The following COMMD1 variants were observed in gnomAD, a reference collection of about 807,000 sequenced individuals.
The protein encoded by COMMD1 is copper metabolism domain containing 1.
In COMMD1, 10 loss-of-function variants were observed where a neutral mutation model predicts 17.2. That is an observed-to-expected ratio of 0.58 (90% CI 0.36 to 0.99). The LOEUF (loss-of-function observed/expected upper bound fraction) is 0.99, where lower values mean the gene tolerates loss of function less well. COMMD1 is among the 50% of genes least tolerant of loss of function. COMMD1 has a pLI of 0.01. For synonymous variants in COMMD1, 97 were observed against 91.6 expected (o/e 1.06, Z -0.34); for missense variants, 270 against 231.8 (o/e 1.17, Z -1.07).
Position 62,006,116 on chromosome 2 carries a change from G to A in COMMD1, c.462+5134G>A, listed in dbSNP as rs1158897939. 2.1e-3 allele frequency among the ~76,000 whole-genome samples: 305 copies of A among 145,274 alleles called. 2 individuals are homozygous for A. Among genetic ancestry groups the A allele is most frequent in the African/African-American group, 6.8e-3 (265 of 39,186 alleles). On this transcript the variant is annotated intron_variant, in intron 2 of 2. Transcript: ENST00000311832. ...AAGGACAAAAAACCAAACACCGCATGTTCTCACTCATAGGTGGGAATTGAA... is the reference window on the plus strand; with the variant it reads ...AAGGACAAAAAACCAAACACCGCATATTCTCACTCATAGGTGGGAATTGAA...
chr2:62,122,536 T>C (rs1316376964), intron 2 of COMMD1, among the ~76,000 whole-genome samples: 1 of 151,868 alleles, frequency 6.6e-6, no homozygotes, highest in Admixed American at 6.6e-5. Context: ...ACAGAGTGTA[T>C]GTCAGACTGC....
At chr2:62,093,763 G>A (rs958401631) in intron 2 of COMMD1, among the ~76,000 whole-genome samples, 9 of 152,248 alleles carry the variant, frequency 5.9e-5, no homozygotes, top group East Asian at 5.8e-4. Context: ...TAGTAACTCC[G>A]AGACTTGGTG....
intron 1 of COMMD1, among the ~76,000 whole-genome samples, chr2:61,984,647 A>G (rs1672054440): frequency 6.6e-6 from 1 of 152,242 alleles, no homozygotes; most frequent in South Asian, 2.1e-4. Flanking sequence ...ATTGGAGGAA[A>G]TGTTCTGTAA....
chr2:62,051,668 C>T (rs1184243753), intron 2 of COMMD1, among the ~76,000 whole-genome samples: 1 of 152,150 alleles, frequency 6.6e-6, no homozygotes, highest in East Asian at 1.9e-4. Context: ...AGGTCTGACT[C>T]TTTCAGGAAT....
chr2:61,928,421 A>G (rs1332281257), intron 1 of COMMD1, among the ~76,000 whole-genome samples: 2 of 152,096 alleles, frequency 1.3e-5, no homozygotes, highest in Non-Finnish European at 2.9e-5. Flanking sequence ...TTAGCCTCCT[A>G]AAGTGCTGGG....
At position 62,083,555 on chromosome 2, in the gene COMMD1, C is replaced by T. The variant is rs147168720; in HGVS notation, c.463-52276C>T. On this transcript the variant is annotated intron_variant, in intron 2 of 2. Coordinates refer to ENST00000311832, the MANE Select transcript of COMMD1 (RefSeq NM_152516.4). Reference sequence around the variant, plus strand: ...TCTCTTTCTCTCTCTCTGTCTCTCTCGAAGTGTCTAAGTCAGTGTTCTTAT... The same window carrying T: ...TCTCTTTCTCTCTCTCTGTCTCTCTTGAAGTGTCTAAGTCAGTGTTCTTAT... 2.1e-3 allele frequency among the ~76,000 whole-genome samples: 325 copies of T among 152,322 alleles called. 2 individuals carry two copies. Among genetic ancestry groups the T allele is most frequent in the African/African-American group, 7.0e-3 (291 of 41,578 alleles).
chr2:61,993,220 T>G (rs1668643013), intron 1 of COMMD1, among the ~76,000 whole-genome samples: 3 of 152,192 alleles, frequency 2.0e-5, no homozygotes, highest in Non-Finnish European at 2.9e-5. Context: ...TAGTTTAGGT[T>G]CAAGATAGTG....
At chr2:62,020,614 AC>A (rs1669585143) in intron 2 of COMMD1, among the ~76,000 whole-genome samples, 1 of 152,194 alleles carries the variant, frequency 6.6e-6, no homozygotes, top group Non-Finnish European at 1.5e-5. Context: ...ACTTCCTTAA[AC>A]AAAAGTCACA....
chr2:61,965,031 G>A (rs535062343), intron 1 of COMMD1, among the ~76,000 whole-genome samples: 5 of 152,096 alleles, frequency 3.3e-5, no homozygotes, highest in South Asian at 4.1e-4. Flanking sequence ...GCAAGACTCC[G>A]TCTCAAAAAA....
intron 2 of COMMD1, among the ~76,000 whole-genome samples, chr2:62,083,134 C>T (rs1299353615): frequency 6.6e-6 from 1 of 152,130 alleles, no homozygotes; most frequent in African/African-American, 2.4e-5. Context: ...TGGCACATGC[C>T]AGTAGTCCCA....
At chr2:62,060,694 T>G (rs1016187404) in intron 2 of COMMD1, among the ~76,000 whole-genome samples, 1 of 152,206 alleles carries the variant, frequency 6.6e-6, no homozygotes, top group Non-Finnish European at 1.5e-5. Context: ...TAGTTTTCAC[T>G]TATCTGAAAA....
chr2:61,926,222 C>T (rs556581841), intron 1 of COMMD1, among the ~76,000 whole-genome samples: 4 of 152,246 alleles, frequency 2.6e-5, no homozygotes, highest in South Asian at 4.2e-4. Context: ...CTGCCTGCCT[C>T]GGCCTCCTGA....
intron 2 of COMMD1, among the ~76,000 whole-genome samples, chr2:62,108,299 C>T (rs1190490943): frequency 6.6e-6 from 1 of 152,088 alleles, no homozygotes; most frequent in East Asian, 1.9e-4. Context: ...CCTCTAGTTT[C>T]AGTGTCTGGG....
intron 1 of COMMD1, among the ~76,000 whole-genome samples, chr2:61,926,602 A>G (rs957249199): frequency 6.6e-6 from 1 of 152,124 alleles, no homozygotes; most frequent in Non-Finnish European, 1.5e-5. Context: ...TCATAGCCTC[A>G]TTTCTTCGAC....
At chr2:62,115,830 T>C (rs1672575560) in intron 2 of COMMD1, among the ~76,000 whole-genome samples, 1 of 131,502 alleles carries the variant, frequency 7.6e-6, no homozygotes, top group African/African-American at 3.2e-5. Flanking sequence ...GGTGGGTTTT[T>C]TTTTTCTTTC....
intron 1 of COMMD1, among the ~76,000 whole-genome samples, chr2:61,892,416 AGGTGC>A (rs954500568): frequency 6.6e-6 from 1 of 151,978 alleles, no homozygotes; most frequent in African/African-American, 2.4e-5. Flanking sequence ...AGGAGGGGCC[AGGTGC>A]GGTGGCTCAT....
intron 1 of COMMD1, among the ~76,000 whole-genome samples, chr2:61,897,192 C>T (rs1226321353): frequency 2.0e-5 from 3 of 152,096 alleles, no homozygotes; most frequent in Admixed American, 2.0e-4. Flanking sequence ...ATTAAAAAAC[C>T]TTGTTAAATG....
At chr2:62,019,101 T>TTTCC (rs1669537678) in intron 2 of COMMD1, among the ~76,000 whole-genome samples, 1 of 88,324 alleles carries the variant, frequency 1.1e-5, no homozygotes, top group Non-Finnish European at 2.2e-5. Flanking sequence ...TCTCTCTCTC[T>TTTCC]TCCCTCCCTC....
intron 1 of COMMD1, among the ~76,000 whole-genome samples, chr2:61,927,342 T>G (rs1186490433): frequency 1.3e-5 from 2 of 152,196 alleles, no homozygotes; most frequent in Non-Finnish European, 2.9e-5. Flanking sequence ...AGATAACAAC[T>G]TAGTTTTAGT....
Sources: allele counts gnomAD v4.1 joint callset (sites outside exome capture counted in the v4.1 genomes callset), GRCh38; gene constraint gnomAD v4.1.1; transcripts MANE v1.5; gene names NCBI Gene and HGNC (gene_info 2026-07-23, HGNC 2026-07-21).